Variants in RNF150 observed in about 807,000 individuals in gnomAD.
RNF150 encodes ring finger protein 150.
A neutral mutation model predicts 39.3 loss-of-function variants in RNF150; 24 were observed. The ratio of observed to expected loss-of-function variants is 0.61; its 90% CI spans 0.44 to 0.86. The LOEUF (loss-of-function observed/expected upper bound fraction) is 0.86, where lower values mean the gene tolerates loss of function less well. Ranked by LOEUF, RNF150 falls within the 40% of genes least tolerant of loss-of-function variation. The probability of loss-of-function intolerance (pLI) is 0.00; values close to 1 mark genes in which losing one functional copy is unlikely to be tolerated. For missense variants in RNF150, 502 were observed against 587.8 expected, an observed-to-expected ratio of 0.85 and a Z score of 1.51; for synonymous variants, 255 against 227.3, an observed-to-expected ratio of 1.12 and a Z score of -1.10.
chr4:141,123,377 A>G (rs1402872711), intron 1 of RNF150, among the ~76,000 whole-genome samples: 2 of 152,194 alleles, frequency 1.3e-5, no homozygotes, highest in Admixed American at 1.3e-4. Flanking sequence ...TATCTAAGGA[A>G]TTCAGAAGTA....
At chr4:140,985,519 G>T (rs976488052) in intron 1 of RNF150, among the ~76,000 whole-genome samples, 12 of 152,116 alleles carry the variant, frequency 7.9e-5, no homozygotes, top group African/African-American at 2.9e-4. Context: ...TCTGTCTAAT[G>T]TAGCCACTAG....
At chr4:141,022,655 T>C (rs1353041066) in intron 1 of RNF150, among the ~76,000 whole-genome samples, 112 of 152,202 alleles carry the variant, frequency 7.4e-4, no homozygotes, top group Non-Finnish European at 1.5e-4. Flanking sequence ...TATATCTAAA[T>C]GACGAATGAA....
intron 1 of RNF150, among the ~76,000 whole-genome samples, chr4:141,166,878 T>C (rs533127006): frequency 1.2e-4 from 18 of 152,258 alleles, no homozygotes; most frequent in South Asian, 2.1e-4. Flanking sequence ...CTTTGAAAAC[T>C]GGCACAAGAC....
intron 5 of RNF150, among the ~76,000 whole-genome samples, chr4:140,920,781 C>G (rs1338018783): frequency 6.6e-6 from 1 of 151,722 alleles, no homozygotes; most frequent in African/African-American, 2.4e-5. Context: ...AGACTTGGAA[C>G]CAACCCAAAT....
chr4:140,977,221 G>T (rs1239538476), intron 1 of RNF150, among the ~76,000 whole-genome samples: 1 of 152,148 alleles, frequency 6.6e-6, no homozygotes, highest in Non-Finnish European at 1.5e-5. Flanking sequence ...GCCTGCATCT[G>T]TGCCTCCTTC....
chr4:140,976,142 A>C (rs1005149504), intron 1 of RNF150, among the ~76,000 whole-genome samples: 1 of 152,046 alleles, frequency 6.6e-6, no homozygotes, highest in African/African-American at 2.4e-5. Context: ...TTTTAAATTA[A>C]ATTTATTTTT....
intron 1 of RNF150, among the ~76,000 whole-genome samples, chr4:141,104,103 A>G (rs1739114933): frequency 6.6e-6 from 1 of 152,144 alleles, no homozygotes; most frequent in African/African-American, 2.4e-5. Flanking sequence ...TTCTAGGGGA[A>G]AGGAGTGAAG....
At chr4:141,155,895 C>T (rs115453396) in intron 1 of RNF150, among the ~76,000 whole-genome samples, 3,300 of 149,696 alleles carry the variant, frequency 0.022, 132 homozygotes, top group African/African-American at 0.077. Flanking sequence ...TTCAAAAGGA[C>T]AGGTTTCTGT....
intron 4 of RNF150, among the ~76,000 whole-genome samples, chr4:140,946,519 C>T (rs534832506): frequency 1.9e-4 from 29 of 152,078 alleles, no homozygotes; most frequent in Admixed American, 5.2e-4. Flanking sequence ...TCGCCCAGTG[C>T]GGTGGTGTGA....
chr4:141,018,974 T>G (rs986359876), intron 1 of RNF150, among the ~76,000 whole-genome samples: 2 of 150,260 alleles, frequency 1.3e-5, no homozygotes, highest in Non-Finnish European at 3.0e-5. Context: ...GGTTTATTCT[T>G]CTCCTATTAA....
At chr4:141,050,067 T>C (rs1284052783) in intron 1 of RNF150, among the ~76,000 whole-genome samples, 1 of 151,986 alleles carries the variant, frequency 6.6e-6, no homozygotes, top group Non-Finnish European at 1.5e-5. Context: ...ATATGAAATA[T>C]TTATAAAATA....
intron 1 of RNF150, among the ~76,000 whole-genome samples, chr4:140,980,545 C>T (rs997127290): frequency 6.6e-5 from 10 of 152,026 alleles, no homozygotes; most frequent in African/African-American, 2.2e-4. Context: ...ATTATAGTTC[C>T]CATAGTCCCC....
At chr4:141,037,013 G>C (rs754338767) in intron 1 of RNF150, among the ~76,000 whole-genome samples, 6 of 151,988 alleles carry the variant, frequency 3.9e-5, no homozygotes, top group Non-Finnish European at 8.8e-5. Flanking sequence ...TTACTCCCTT[G>C]GCCTTGATCC....
At chr4:140,991,163 C>A (rs765102413) in intron 1 of RNF150, among the ~76,000 whole-genome samples, 1 of 152,070 alleles carries the variant, frequency 6.6e-6, no homozygotes, top group African/African-American at 2.4e-5. Context: ...AGTATCTGTT[C>A]ATTTCATTTG....
chr4:140,907,117 T>C (rs542878038), intron 6 of RNF150, among the ~76,000 whole-genome samples: 89 of 152,338 alleles, frequency 5.8e-4, no homozygotes, highest in African/African-American at 1.9e-3. Context: ...AAGGAACTTT[T>C]TTCCCCTGTG....
chr4:140,908,170 T>C (rs766433499), intron 6 of RNF150, among the ~76,000 whole-genome samples: 30 of 152,256 alleles, frequency 2.0e-4, no homozygotes, highest in Non-Finnish European at 3.8e-4. Context: ...TTGAATCTTT[T>C]GACTCATTTA....
chr4:141,172,455 T>C (rs370700156), intron 1 of RNF150, among the ~76,000 whole-genome samples: 1 of 152,322 alleles, frequency 6.6e-6, no homozygotes, highest in African/African-American at 2.4e-5. Context: ...CAATAATTTA[T>C]CTACTAAGTT....
intron 1 of RNF150, among the ~76,000 whole-genome samples, chr4:141,074,081 T>C (rs1442529712): frequency 3.3e-5 from 5 of 152,128 alleles, no homozygotes; most frequent in African/African-American, 9.7e-5. Flanking sequence ...ATATGGACCA[T>C]GGTAGAATTT....
intron 1 of RNF150, among the ~76,000 whole-genome samples, chr4:141,210,302 A>C (rs1178884455): frequency 1.3e-5 from 2 of 152,142 alleles, no homozygotes; most frequent in Non-Finnish European, 2.9e-5. Flanking sequence ...AACACCACAG[A>C]TCCGGGACCA....
Sources: allele counts gnomAD v4.1 joint callset (sites outside exome capture counted in the v4.1 genomes callset), GRCh38; gene constraint gnomAD v4.1.1; transcripts MANE v1.5; gene names NCBI Gene and HGNC (gene_info 2026-07-23, HGNC 2026-07-21).